The following OSBP2 variants were observed in gnomAD, a reference collection of about 807,000 sequenced individuals.
OSBP2 encodes the protein oxysterol binding protein 2.
Under a neutral mutation model 96.0 loss-of-function variants are expected in OSBP2, and 66 were observed. That is an observed-to-expected ratio of 0.69 (90% confidence interval 0.56 to 0.84). The LOEUF (loss-of-function observed/expected upper bound fraction) is 0.84, where lower values mean the gene tolerates loss of function less well. Among genes scored for constraint, OSBP2 ranks in the 40% least tolerant of loss-of-function variants. OSBP2 has a pLI of 0.00. For missense variants in OSBP2, 1,038 were observed against 1,222.7 expected, an observed-to-expected ratio of 0.85 and a Z score of 2.25; for synonymous variants, 525 against 520.9, an observed-to-expected ratio of 1.01 and a Z score of -0.11.
At chr22:30,864,501 C>T (rs12167013) in intron 2 of OSBP2, among the ~76,000 whole-genome samples, 1 of 152,324 alleles carries the variant, frequency 6.6e-6, no homozygotes, top group Non-Finnish European at 1.5e-5. Context: ...GCATGCAGCA[C>T]TGGGATGGGC....
At chr22:30,709,282 A>C (rs5753281) in intron 1 of OSBP2, among the ~76,000 whole-genome samples, 20,613 of 149,648 alleles carry the variant, frequency 0.14, 2,138 homozygotes, top group East Asian at 0.39. Flanking sequence ...ATTGGGACTC[A>C]ACCAAGATCT....
rs148822184 is a variant in OSBP2 at position 30,807,315 on chromosome 22, G to A, written c.854-63114G>A. On this transcript the variant is annotated intron_variant, in intron 2 of 13. Transcript: ENST00000332585. ...TACCACATTTTCTCTGAATTCTGTC[G>A]CTTCCCTCAAGCCGTGCTGCCACTG... Among the ~76,000 whole-genome samples the A allele has an allele frequency of 4.7e-3, 715 of 152,192 alleles. 6 individuals are homozygous for A. Among genetic ancestry groups the A allele is most frequent in the African/African-American group, 0.015 (637 of 41,518 alleles).
intron 2 of OSBP2, among the ~76,000 whole-genome samples, chr22:30,744,434 C>G (rs2089974717): frequency 6.6e-6 from 1 of 152,160 alleles, no homozygotes; most frequent in African/African-American, 2.4e-5. Context: ...AACCCTGTCT[C>G]ATCCTGCTGG....
intron 3 of OSBP2, among the ~76,000 whole-genome samples, chr22:30,884,136 T>C (rs781440178): frequency 6.6e-6 from 1 of 152,186 alleles, no homozygotes; most frequent in Non-Finnish European, 1.5e-5. Context: ...GAACTCAAAA[T>C]AGCCCAGACC....
intron 12 of OSBP2, among the ~76,000 whole-genome samples, chr22:30,895,681 G>A (rs1294736905): frequency 2.0e-5 from 3 of 152,162 alleles, no homozygotes; most frequent in Non-Finnish European, 4.4e-5. Context: ...GCTCACGCCT[G>A]TAATCCCAAC....
chr22:30,802,197 T>G (rs2145842505), intron 2 of OSBP2, among the ~76,000 whole-genome samples: 1 of 152,192 alleles, frequency 6.6e-6, no homozygotes, highest in South Asian at 2.1e-4. Flanking sequence ...AGAAGCCAAG[T>G]CAGAATCAAT....
chr22:30,792,993 C>T (rs1293029341), intron 2 of OSBP2, among the ~76,000 whole-genome samples: 4 of 152,220 alleles, frequency 2.6e-5, no homozygotes, highest in African/African-American at 7.2e-5. Flanking sequence ...TAATCCAAGA[C>T]TATCTGATTC....
intron 1 of OSBP2, among the ~76,000 whole-genome samples, chr22:30,739,478 T>C (rs2089904995): frequency 1.3e-5 from 2 of 152,104 alleles, no homozygotes; most frequent in South Asian, 4.1e-4. Context: ...TGTAGTTCTT[T>C]TTTTTGTTTG....
chr22:30,863,459 A>G (rs2039267307), intron 2 of OSBP2, among the ~76,000 whole-genome samples: 1 of 152,110 alleles, frequency 6.6e-6, no homozygotes, highest in Non-Finnish European at 1.5e-5. Context: ...GTGGGGGTGG[A>G]ATGTCTTTTT....
At position 30,768,072 on chromosome 22, in the gene OSBP2, T is replaced by G. The variant is rs1221894904; in HGVS notation, c.853+26703T>G. ...CTGCGGCTTACCCCTGAGAGACCTG[T>G]ATAAATCAGTGCTAACTGAAAGAGG... On this transcript the variant is annotated intron_variant, in intron 2 of 13. Coordinates refer to ENST00000332585, the MANE Select transcript of OSBP2 (RefSeq NM_030758.4). Among the ~76,000 whole-genome samples, 3 of 152,186 alleles carry G rather than the reference T, an allele frequency of 2.0e-5. No homozygotes were observed. The East Asian group carries it at 5.8e-4, about 29-fold the overall frequency.
At chr22:30,789,046 T>G (rs992455777) in intron 2 of OSBP2, among the ~76,000 whole-genome samples, 9 of 152,188 alleles carry the variant, frequency 5.9e-5, no homozygotes, top group Admixed American at 3.3e-4. Context: ...TGGAGAAATC[T>G]ACATGTGATG....
At chr22:30,846,034 AT>A (rs2038863378) in intron 2 of OSBP2, among the ~76,000 whole-genome samples, 1 of 151,990 alleles carries the variant, frequency 6.6e-6, no homozygotes. Flanking sequence ...TTTTGTGTGG[AT>A]ATATGTTTTC....
chr22:30,816,834 C>A (rs2091089801), intron 2 of OSBP2, among the ~76,000 whole-genome samples: 1 of 152,124 alleles, frequency 6.6e-6, no homozygotes. Flanking sequence ...CCTCCCAGTT[C>A]AAGCAACTCT....
chr22:30,802,373 C>T (rs1229756964), intron 2 of OSBP2, among the ~76,000 whole-genome samples: 1 of 152,238 alleles, frequency 6.6e-6, no homozygotes. Flanking sequence ...CGCATCTCCC[C>T]TAGTTCCCGA....
chr22:30,707,258 G>A (rs7292017), intron 1 of OSBP2, among the ~76,000 whole-genome samples: 49,238 of 151,798 alleles, frequency 0.32, 8,282 homozygotes, highest in East Asian at 0.39. Flanking sequence ...TGCCACGCCC[G>A]GCTAATTTTT....
At chr22:30,784,493 A>G (rs1200784969) in intron 2 of OSBP2, among the ~76,000 whole-genome samples, 4 of 152,034 alleles carry the variant, frequency 2.6e-5, no homozygotes, top group African/African-American at 4.8e-5. Flanking sequence ...TCCTGGGCTC[A>G]AGTGATCCCA....
At chr22:30,898,780 T>C (rs1323185691) in intron 12 of OSBP2, among the ~76,000 whole-genome samples, 4 of 151,556 alleles carry the variant, frequency 2.6e-5, no homozygotes, top group African/African-American at 7.3e-5. Context: ...TCCCAGCACT[T>C]TGGAAGGCTG....
At chr22:30,769,639 A>C (rs2090322293) in intron 2 of OSBP2, among the ~76,000 whole-genome samples, 1 of 151,940 alleles carries the variant, frequency 6.6e-6, no homozygotes, top group Admixed American at 6.6e-5. Flanking sequence ...ACAGAGAGAG[A>C]CTCCATCTCA....
chr22:30,699,010 T>C lies in OSBP2; in HGVS notation c.644+3457T>C, dbSNP rs148435963. ...AGGCTGGAGCACAGTGGCACGATCT[T>C]GGCTTACTACACCCTCCCACTCCCA... On this transcript the variant is annotated intron_variant, in intron 1 of 13. Transcript: ENST00000332585. Among the ~76,000 whole-genome samples the C allele has an allele frequency of 3.2e-3, 489 of 152,226 alleles. 4 individuals are homozygous for C. The highest frequency in any genetic ancestry group is 0.011 in the African/African-American group (475 of 41,534).
Sources: allele counts gnomAD v4.1 joint callset (sites outside exome capture counted in the v4.1 genomes callset), GRCh38; gene constraint gnomAD v4.1.1; transcripts MANE v1.5; gene names NCBI Gene and HGNC (gene_info 2026-07-23, HGNC 2026-07-21).